Variants in DLGAP2 observed in about 807,000 individuals in gnomAD.
The protein encoded by DLGAP2 is DLG associated protein 2, also known as disks large-associated protein 2.
Under a neutral mutation model 100.3 loss-of-function variants are expected in DLGAP2, and 26 were observed. That is an observed-to-expected ratio of 0.26 (90% CI 0.19 to 0.36). DLGAP2 has a LOEUF of 0.36. DLGAP2 is among the 10% of genes least tolerant of loss of function. DLGAP2 has a pLI of 1.00. For synonymous variants in DLGAP2, 886 were observed against 630.1 expected, an observed-to-expected ratio of 1.41 and a Z score of -6.08; for missense variants, 1,858 against 1,453.2, an observed-to-expected ratio of 1.28 and a Z score of -4.53.
At chr8:871,523 G>C (rs1282888014) in intron 1 of DLGAP2, among the ~76,000 whole-genome samples, 1 of 152,020 alleles carries the variant, frequency 6.6e-6, no homozygotes, top group Non-Finnish European at 1.5e-5. Context: ...ATTTTGATTG[G>C]GATTATCCAG....
chr8:1,648,509 G>A (rs1585031117), intron 8 of DLGAP2, among the ~76,000 whole-genome samples: 2 of 152,294 alleles, frequency 1.3e-5, no homozygotes, highest in Middle Eastern at 6.8e-3. Context: ...ACTCCCAGGA[G>A]GTTTGGAGGC....
At chr8:1,160,119 G>T (rs74696790) in intron 2 of DLGAP2, among the ~76,000 whole-genome samples, 6,916 of 152,298 alleles carry the variant, frequency 0.045, 188 homozygotes, top group African/African-American at 0.069. Flanking sequence ...CGCGGCCCGT[G>T]GGTTCGGAAT....
In DLGAP2 at chr8:1,683,856, A is replaced by ATGTG. The variant is rs10583520; in HGVS notation, c.2704+5265_2704+5268dup. Among the ~76,000 whole-genome samples, 134 of 62,216 alleles carry ATGTG rather than the reference A, an allele frequency of 2.2e-3. 4 individuals are homozygous for ATGTG. The Middle Eastern group carries it at 0.033, about 15-fold the overall frequency. 40.8% of individuals were successfully genotyped at this position (62,216 alleles called of 152,430 possible). ...CCACTATATATATATATATATATAT[A>ATGTG]TGTGTGTGTGTGTGTGTGTGTGTGT... On this transcript the variant is annotated intron_variant, in intron 12 of 14. Coordinates refer to ENST00000637795, the MANE Select transcript of DLGAP2 (RefSeq NM_001346810.2).
intron 9 of DLGAP2, 24 bp downstream of exon 9, chr8:1,668,702 A>AG: frequency 6.7e-7 from 1 of 1,496,508 alleles, no homozygotes; most frequent in Non-Finnish European, 8.9e-7. Flanking sequence ...GCCGCCCGTC[A>AG]GGGCCTCGCT....
At chr8:1,468,276 G>A (rs1163576326) in intron 3 of DLGAP2, among the ~76,000 whole-genome samples, 2 of 151,546 alleles carry the variant, frequency 1.3e-5, no homozygotes, top group African/African-American at 4.9e-5. Flanking sequence ...GTAGATCCGG[G>A]CTGGTCCTGA....
intron 5 of DLGAP2, among the ~76,000 whole-genome samples, chr8:1,554,878 C>G (rs1801906262): frequency 6.6e-6 from 1 of 151,168 alleles, no homozygotes; most frequent in South Asian, 2.1e-4. Flanking sequence ...ATAGTTCTAA[C>G]AAGCTTCTCA....
intron 1 of DLGAP2, among the ~76,000 whole-genome samples, chr8:869,311 A>G (rs540252395): frequency 6.6e-6 from 1 of 152,254 alleles, no homozygotes; most frequent in East Asian, 1.9e-4. Context: ...TGATGAAGTG[A>G]GTTGAAGGTA....
chr8:1,663,800 C>G (rs771650551), intron 8 of DLGAP2, among the ~76,000 whole-genome samples: 1 of 152,164 alleles, frequency 6.6e-6, no homozygotes, highest in Non-Finnish European at 1.5e-5. Context: ...AGCGTTCCAG[C>G]ATCACAGCGC....
At chr8:1,310,777 C>T (rs1030637628) in intron 3 of DLGAP2, among the ~76,000 whole-genome samples, 6 of 152,056 alleles carry the variant, frequency 3.9e-5, no homozygotes, top group South Asian at 2.1e-4. Flanking sequence ...CCTGCCTCAG[C>T]CTCCTGAGTA....
intron 1 of DLGAP2, among the ~76,000 whole-genome samples, chr8:741,978 G>A (rs1249013291): frequency 2.0e-5 from 3 of 152,254 alleles, no homozygotes; most frequent in African/African-American, 7.2e-5. Context: ...GAGGAGAAGG[G>A]CGGCTGTTAT....
intron 2 of DLGAP2, among the ~76,000 whole-genome samples, chr8:924,077 CTA>C (rs1424921209): frequency 1.3e-5 from 2 of 152,286 alleles, no homozygotes; most frequent in South Asian, 4.1e-4. Flanking sequence ...AGATAGGAGC[CTA>C]TAAACATGAG....
intron 2 of DLGAP2, among the ~76,000 whole-genome samples, chr8:1,200,230 G>C (rs776899395): frequency 3.9e-5 from 6 of 152,324 alleles, no homozygotes; most frequent in Non-Finnish European, 7.3e-5. Context: ...GGACAGCTTC[G>C]TGTCTTTTCC....
At chr8:1,061,361 T>C (rs1048253570) in intron 2 of DLGAP2, among the ~76,000 whole-genome samples, 1 of 152,058 alleles carries the variant, frequency 6.6e-6, no homozygotes, top group African/African-American at 2.4e-5. Context: ...GCCTGGGCGG[T>C]GTGGAAGCTG....
At chr8:1,178,466 A>G (rs1357369124) in intron 2 of DLGAP2, among the ~76,000 whole-genome samples, 1 of 152,162 alleles carries the variant, frequency 6.6e-6, no homozygotes, top group Non-Finnish European at 1.5e-5. Context: ...TGCTATAATA[A>G]TAGACGTCCT....
chr8:1,242,437 C>G (rs551991643), intron 2 of DLGAP2, among the ~76,000 whole-genome samples: 2 of 152,224 alleles, frequency 1.3e-5, no homozygotes, highest in African/African-American at 4.8e-5. Context: ...CCCGTCTGTT[C>G]TTTCCTGGCC....
At chr8:1,246,103 T>C (rs1364149566) in intron 2 of DLGAP2, among the ~76,000 whole-genome samples, 1 of 152,226 alleles carries the variant, frequency 6.6e-6, no homozygotes, top group Non-Finnish European at 1.5e-5. Flanking sequence ...TTTCTAAATA[T>C]CTTAAATTTG....
At chr8:807,829 G>C (rs12156398) in intron 1 of DLGAP2, among the ~76,000 whole-genome samples, 2 of 152,074 alleles carry the variant, frequency 1.3e-5, no homozygotes, top group Non-Finnish European at 2.9e-5. Context: ...TCAAAATGAC[G>C]GGGGTGCTGG....
chr8:950,622 CT>C (rs34631994), intron 2 of DLGAP2, among the ~76,000 whole-genome samples: 24,341 of 129,922 alleles, frequency 0.19, 1,451 homozygotes, highest in Non-Finnish European at 0.21. Flanking sequence ...TTTTCTTTTT[CT>C]TTTTTTTTTT....
At chr8:1,118,888 A>G (rs1011159153) in intron 2 of DLGAP2, among the ~76,000 whole-genome samples, 25 of 152,246 alleles carry the variant, frequency 1.6e-4, no homozygotes, top group Non-Finnish European at 1.0e-4. Flanking sequence ...AGTTAAGTTT[A>G]AATTTATGGG....
Sources: allele counts gnomAD v4.1 joint callset (sites outside exome capture counted in the v4.1 genomes callset), GRCh38; gene constraint gnomAD v4.1.1; transcripts MANE v1.5; gene names NCBI Gene and HGNC (gene_info 2026-07-23, HGNC 2026-07-21).